The following ZNF37A variants were observed in gnomAD, a reference collection of about 807,000 sequenced individuals.
ZNF37A encodes the protein zinc finger protein 37a (KOX 21).
Under a neutral mutation model 12.3 loss-of-function variants are expected in ZNF37A, and 10 were observed. The ratio of observed to expected loss-of-function variants is 0.82; its 90% CI spans 0.50 to 1.38. ZNF37A has a LOEUF of 1.38. ZNF37A is among the 40% of genes most tolerant of loss of function. The pLI is 0.00. For missense variants in ZNF37A, 580 were observed against 651.2 expected, an observed-to-expected ratio of 0.89 and a Z score of 1.19; for synonymous variants, 207 against 223.0, an observed-to-expected ratio of 0.93 and a Z score of 0.64.
chr10:38,141,436 A>G (rs2070182683), intron 7 of ZNF37A: 1 of 152,176 alleles, frequency 6.6e-6, no homozygotes, highest in Non-Finnish European at 1.5e-5. Flanking sequence ...TCAGACAAAC[A>G]TAAACCAAGG....
In ZNF37A at chr10:38,119,332, T is replaced by C. The variant is rs566772082; in HGVS notation, c.*495T>C. ...TGGGTGTAATGAATGTGGAAAATCA[T>C]TCTGTGTGAAGTCAAGAGGCCAGAG... On this transcript the variant is annotated 3_prime_UTR_variant, in exon 8 of 8. Coordinates refer to ENST00000685332, the MANE Select transcript of ZNF37A (RefSeq NM_001324250.3). 214 of 1,016,558 alleles carry C rather than the reference T, an allele frequency of 2.1e-4. 5 individuals are homozygous for C. In the South Asian group the frequency reaches 8.3e-3, roughly 39 times the overall value. The allele number at this position is 1,016,558 out of a possible 1,614,324, so 63.0% of individuals were successfully genotyped here. A position where few individuals can be genotyped will look rare whatever the true frequency, so the allele number is the denominator to read the frequency against.
chr10:38,111,491 A>C (rs555298413), intron 5 of ZNF37A, among the ~76,000 whole-genome samples: 1 of 152,266 alleles, frequency 6.6e-6, no homozygotes, highest in Admixed American at 6.5e-5. Flanking sequence ...TAATAAAAAA[A>C]AAAAACTGTT....
chr10:38,136,837 C>T (rs2505258), intron 7 of ZNF37A, among the ~76,000 whole-genome samples: 73,344 of 151,898 alleles, frequency 0.48, 17,871 homozygotes, highest in East Asian at 0.54. Context: ...CAGTTTTTAT[C>T]ACTTTTTTCC....
chr10:38,115,256 A>G lies in ZNF37A; in HGVS notation c.204A>G (p.Ile68Met), dbSNP rs541277089. 2.5e-6 allele frequency: 4 copies of G among 1,613,890 alleles called. No individual in the cohort carries two copies. Among genetic ancestry groups the G allele is most frequent in the African/African-American group, 1.3e-5 (1 of 75,034 alleles). ...LKLEKGEEPW[I>M]LEEKFPSQSH... The stretch of plus-strand genomic sequence containing the variant: ...TGGAGAAAGGCGAGGAGCCATGGAT[A>G]TTAGAGGAAAAATTTCCAAGCCAGA... The change falls in exon 7 of 8, where the codon ATA becomes ATG. Residue 68 changes from isoleucine to methionine, a missense_variant. By Grantham distance (10) the Ile-to-Met change is conservative. Transcript: ENST00000685332.
chr10:38,149,384 GAGGCTCTCGCCCACTGTCTCCTCC>G (rs2136090094), exon 8 of ZNF37A: 1 of 152,110 alleles, frequency 6.6e-6, no homozygotes, highest in African/African-American at 2.4e-5. Context: ...AGCCACTTGG[GAGGCTCTCGCCCACTGTCTCCTCC>G]AGGCTCTCTC....
intron 5 of ZNF37A, among the ~76,000 whole-genome samples, chr10:38,108,766 C>G (rs956351434): frequency 2.0e-5 from 3 of 152,182 alleles, no homozygotes; most frequent in Admixed American, 6.5e-5. Context: ...CACTTACACC[C>G]TCTCAAGTCT....
chr10:38,146,145 C>T (rs534240251), intron 7 of ZNF37A, among the ~76,000 whole-genome samples: 24 of 152,266 alleles, frequency 1.6e-4, no homozygotes, highest in African/African-American at 5.8e-4. Context: ...ACTTTTCTTT[C>T]ATTGAAATCA....
In ZNF37A at chr10:38,123,720, A is replaced by C. The variant is rs565627088; in HGVS notation, c.*4883A>C. 1.2e-4 allele frequency: 18 copies of C among 152,356 alleles called. No homozygotes were observed. Among genetic ancestry groups the C allele is most frequent in the Non-Finnish European group, 2.5e-4 (17 of 68,028 alleles). The allele number at this position is 152,356 out of a possible 1,614,324, so 9.4% of individuals were successfully genotyped here. On this transcript the variant is annotated 3_prime_UTR_variant, in exon 8 of 8. Transcript: ENST00000685332. ...TCAAAAGAAGACATACAAATGGCAA[A>C]CAGGCATATGAAAAGGTACTCAACA...
rs1158849185 is a variant in ZNF37A at position 38,121,651 on chromosome 10, T to C, written c.*2814T>C. On this transcript the variant is annotated 3_prime_UTR_variant, in exon 8 of 8. Transcript: ENST00000685332. The stretch of plus-strand genomic sequence containing the variant: ...CCATTAGAGAAGGTATTTATAAAAA[T>C]AGGAATGAGGAGAGCTAGAAAACCT... 6.6e-6 allele frequency: 1 copy of C among 152,160 alleles called. No individual in the cohort carries two copies. The highest frequency in any genetic ancestry group is 2.4e-5 in the African/African-American group (1 of 41,430). 9.4% of individuals were successfully genotyped at this position (152,160 alleles called of 1,614,324 possible).
chr10:38,102,785 A>G (rs76651264), intron 5 of ZNF37A, among the ~76,000 whole-genome samples: 1 of 152,276 alleles, frequency 6.6e-6, no homozygotes, highest in East Asian at 1.9e-4. Context: ...GGAATGTTTT[A>G]ATTTCCCCTT....
Position 38,122,578 on chromosome 10 carries a change from G to A in ZNF37A, c.*3741G>A, listed in dbSNP as rs1480590640. The A allele has an allele frequency of 6.6e-6, 1 of 152,192 alleles. No homozygotes were observed. The highest frequency in any genetic ancestry group is 1.5e-5 in the Non-Finnish European group (1 of 68,050). 9.4% of individuals were successfully genotyped at this position (152,192 alleles called of 1,614,324 possible). On this transcript the variant is annotated 3_prime_UTR_variant, in exon 8 of 8. Transcript: ENST00000685332. ...AAAGGAATGAAGAACATACACTGGG[G>A]AAAAGATAATGTCTTTAATAAATGG...
intron 7 of ZNF37A, chr10:38,115,618 C>T (rs1469087511): frequency 1.8e-5 from 3 of 166,020 alleles, no homozygotes; most frequent in Non-Finnish European, 3.9e-5. Flanking sequence ...TTTCAACACC[C>T]CCAGAAAGCT....
Position 38,123,767 on chromosome 10 carries a change from G to C in ZNF37A, c.*4930G>C, listed in dbSNP as rs2069847327. On this transcript the variant is annotated 3_prime_UTR_variant, in exon 8 of 8. Coordinates refer to ENST00000685332, the MANE Select transcript of ZNF37A (RefSeq NM_001324250.3). The stretch of plus-strand genomic sequence containing the variant: ...AACATCATTGATCCATTAGAGAAAT[G>C]CAAATCAAAACTACAATAAGATATC... The C allele has an allele frequency of 2.0e-5, 3 of 152,278 alleles. No homozygotes were observed. Among genetic ancestry groups the C allele is most frequent in the African/African-American group, 7.2e-5 (3 of 41,568 alleles). 9.4% of individuals were successfully genotyped at this position (152,278 alleles called of 1,614,324 possible).
intron 7 of ZNF37A, among the ~76,000 whole-genome samples, chr10:38,133,236 T>G (rs2070057932): frequency 6.6e-6 from 1 of 152,212 alleles, no homozygotes; most frequent in South Asian, 2.1e-4. Context: ...CTATTGTTCT[T>G]TGATTGGAAT....
At chr10:38,113,710 T>C (rs1482929494) in intron 5 of ZNF37A, among the ~76,000 whole-genome samples, 2 of 152,210 alleles carry the variant, frequency 1.3e-5, no homozygotes, top group African/African-American at 2.4e-5. Flanking sequence ...CCCCTTGGTA[T>C]AGACAATCTA....
chr10:38,143,296 C>T (rs2070208682), intron 7 of ZNF37A: 1 of 152,138 alleles, frequency 6.6e-6, no homozygotes. Context: ...ATCTGGAAGG[C>T]CTGGGGGACT....
In ZNF37A at chr10:38,115,593, A is replaced by G. The variant is rs1415565431; in HGVS notation, c.238+303A>G. 2.2e-5 allele frequency: 4 copies of G among 180,296 alleles called. No individual in the cohort carries two copies. In the East Asian group the frequency reaches 5.6e-4, roughly 25 times the overall value. The allele number at this position is 180,296 out of a possible 1,614,324, so 11.2% of individuals were successfully genotyped here. A position where few individuals can be genotyped will look rare whatever the true frequency, so the allele number is the denominator to read the frequency against. ...ACTCATGTACCCATCATTGAGATGA[A>G]TATATAAAGTGATTTTTCAACACCC... On this transcript the variant is annotated intron_variant, in intron 7 of 7. Coordinates refer to ENST00000685332, the MANE Select transcript of ZNF37A (RefSeq NM_001324250.3).
downstream of ZNF37A, among the ~76,000 whole-genome samples, chr10:38,129,031 C>T (rs557813271): frequency 3.9e-5 from 6 of 152,126 alleles, no homozygotes; most frequent in East Asian, 1.9e-4. Context: ...GGGTTACAAG[C>T]GTGAGCCACC....
intron 5 of ZNF37A, among the ~76,000 whole-genome samples, chr10:38,113,293 A>G (rs2068976439): frequency 7.4e-6 from 1 of 134,898 alleles, no homozygotes; most frequent in Non-Finnish European, 1.6e-5. Flanking sequence ...GCTCACTGCA[A>G]TCTCTGCCTC....
Sources: allele counts gnomAD v4.1 joint callset (sites outside exome capture counted in the v4.1 genomes callset), GRCh38; gene constraint gnomAD v4.1.1; transcripts MANE v1.5; gene names NCBI Gene and HGNC (gene_info 2026-07-23, HGNC 2026-07-21).